BMP2K: variants seen among roughly 807,000 people sequenced by gnomAD.
The protein encoded by BMP2K is BMP-2-inducible protein kinase.
In BMP2K, 74 loss-of-function variants were observed where a neutral mutation model predicts 116.0. That is an observed-to-expected ratio of 0.64 (90% CI 0.53 to 0.77). BMP2K has a LOEUF of 0.77. Ranked by LOEUF, BMP2K falls within the 30% of genes least tolerant of loss-of-function variation. The pLI is 0.00. For missense variants in BMP2K, 1,365 were observed against 1,403.6 expected (o/e 0.97, Z 0.44); for synonymous variants, 486 against 502.5 (o/e 0.97, Z 0.44).
At chr4:78,865,827 CAT>C in intron 10 of BMP2K, 107 bp downstream of exon 10, 1 of 1,112,060 alleles carries the variant, frequency 9.0e-7, no homozygotes, top group Non-Finnish European at 1.3e-6. Context: ...AAGTAGATAA[CAT>C]AATGCTTTCA....
intron 7 of BMP2K, among the ~76,000 whole-genome samples, chr4:78,853,703 A>G (rs1039717381): frequency 3.9e-5 from 6 of 152,198 alleles, no homozygotes; most frequent in African/African-American, 1.2e-4. Context: ...CCTGTTTGGT[A>G]TGGAACATTG....
At chr4:78,864,274 C>T (rs1731936625) in intron 9 of BMP2K, among the ~76,000 whole-genome samples, 1 of 151,928 alleles carries the variant, frequency 6.6e-6, no homozygotes, top group Non-Finnish European at 1.5e-5. Flanking sequence ...TACAATATTT[C>T]CCCCAAATTA....
In BMP2K at chr4:78,844,759, T is replaced by C. The variant is rs1290348459; in HGVS notation, c.547-169T>C. On this transcript the variant is annotated intron_variant, in intron 4 of 15. Coordinates refer to ENST00000502613, the MANE Select transcript of BMP2K (RefSeq NM_198892.2). ...TGTGTGTGTGCACTGTGCACATATATGTATATATATGGCACATGTATACTT... is the reference window on the plus strand; with the variant it reads ...TGTGTGTGTGCACTGTGCACATATACGTATATATATGGCACATGTATACTT... Among the ~76,000 whole-genome samples, 4 of 151,758 alleles carry C rather than the reference T, an allele frequency of 2.6e-5. No individual in the cohort carries two copies. The South Asian group carries it at 8.3e-4, about 31-fold the overall frequency.
intron 1 of BMP2K, among the ~76,000 whole-genome samples, chr4:78,796,990 TA>T (rs1728325605): frequency 6.6e-6 from 1 of 152,180 alleles, no homozygotes; most frequent in African/African-American, 2.4e-5. Context: ...ATTTCAGCTT[TA>T]TGCATGGGAG....
intron 1 of BMP2K, among the ~76,000 whole-genome samples, chr4:78,813,720 A>G (rs1729199384): frequency 6.6e-6 from 1 of 151,978 alleles, no homozygotes; most frequent in African/African-American, 2.4e-5. Context: ...TTCCCCATGT[A>G]CCTTGATTAA....
chr4:78,860,809 T>C (rs1731739688), intron 8 of BMP2K, among the ~76,000 whole-genome samples: 1 of 140,324 alleles, frequency 7.1e-6, no homozygotes, highest in Non-Finnish European at 1.6e-5. Context: ...GCCCTCGCCA[T>C]ATTGATGTAC....
intron 15 of BMP2K, among the ~76,000 whole-genome samples, chr4:78,908,734 T>TA (rs1734412452): frequency 6.6e-6 from 1 of 152,222 alleles, no homozygotes; most frequent in African/African-American, 2.4e-5. Flanking sequence ...CTTTCCAACT[T>TA]ACTCATTTTT....
chr4:78,818,304 G>A (rs1729453728), intron 1 of BMP2K, among the ~76,000 whole-genome samples: 1 of 152,082 alleles, frequency 6.6e-6, no homozygotes, highest in Admixed American at 6.6e-5. Context: ...GGGTCAAATG[G>A]TATTTCTAGT....
rs192322653 is a variant in BMP2K at position 78,814,567 on chromosome 4, C to G, written c.179-11470C>G. Among the ~76,000 whole-genome samples, 667 of 152,130 alleles carry G rather than the reference C, an allele frequency of 4.4e-3. 12 individuals carry two copies. Among genetic ancestry groups the G allele is most frequent in the Admixed American group, 0.04 (609 of 15,276 alleles). On this transcript the variant is annotated intron_variant, in intron 1 of 15. Coordinates refer to ENST00000502613, the MANE Select transcript of BMP2K (RefSeq NM_198892.2). ...GATGGTTTTATAAGGGGCTTTTCCC[C>G]CTTTTGCTTAGCACTTCTGCTTGCT...
intron 13 of BMP2K, among the ~76,000 whole-genome samples, chr4:78,875,527 T>G (rs528409485): frequency 2.6e-5 from 4 of 152,336 alleles, no homozygotes; most frequent in African/African-American, 9.6e-5. Flanking sequence ...ATGATATAAT[T>G]GCCCTGTTAT....
chr4:78,843,094 G>T (rs1730838243), intron 4 of BMP2K, among the ~76,000 whole-genome samples: 1 of 151,908 alleles, frequency 6.6e-6, no homozygotes, highest in South Asian at 2.1e-4. Flanking sequence ...AGTCCCCAAA[G>T]AATATTGAAT....
At chr4:78,818,611 T>C (rs1203053885) in intron 1 of BMP2K, among the ~76,000 whole-genome samples, 2 of 152,200 alleles carry the variant, frequency 1.3e-5, no homozygotes, top group Non-Finnish European at 2.9e-5. Flanking sequence ...GAATAACTTA[T>C]TTTGTACTTC....
rs757496270 is a variant in BMP2K at position 78,911,960 on chromosome 4, C to T, written c.3413C>T (p.Pro1138Leu). The change falls in exon 16 of 16, where the codon CCA becomes CTA. Residue 1138 changes from proline (P) to leucine (L), a missense_variant. Physicochemically the swap from Pro to Leu is moderately conservative, Grantham distance 98. Around this residue, in one of 3 missense-constraint regions of BMP2K, gnomAD observed 596 missense variants for 623.2 expected, o/e 0.96. Transcript: ENST00000502613. ...GAACTTGTGGTGCAAAGCATCACTC[C>T]ACATCAGTCCCAACAGTCCCAACCA... is the stretch of plus-strand genomic sequence containing the variant. Reference protein sequence around the residue: ...FTELVVQSITPHQSQQSQPVE... With the variant: ...FTELVVQSITLHQSQQSQPVE... 9 of 1,613,874 alleles carry T rather than the reference C, an allele frequency of 5.6e-6. No individual in the cohort carries two copies. The African/African-American group carries it at 1.2e-4, about 22-fold the overall frequency.
chr4:78,866,504 C>T (rs991578581), intron 10 of BMP2K, among the ~76,000 whole-genome samples: 2 of 152,050 alleles, frequency 1.3e-5, no homozygotes, highest in African/African-American at 2.4e-5. Flanking sequence ...GTACTAGTAC[C>T]TATCTTAATA....
chr4:78,834,148 T>C (rs1394375467), intron 3 of BMP2K, among the ~76,000 whole-genome samples: 1 of 152,184 alleles, frequency 6.6e-6, no homozygotes, highest in Non-Finnish European at 1.5e-5. Context: ...TTGTAAACAT[T>C]AGATATAGAA....
intron 2 of BMP2K, among the ~76,000 whole-genome samples, chr4:78,827,978 G>A (rs190763194): frequency 6.6e-6 from 1 of 152,148 alleles, no homozygotes; most frequent in Non-Finnish European, 1.5e-5. Context: ...CCAGCAGCAC[G>A]TCACACAGTT....
At chr4:78,815,136 T>C (rs1729276383) in intron 1 of BMP2K, among the ~76,000 whole-genome samples, 1 of 152,220 alleles carries the variant, frequency 6.6e-6, no homozygotes, top group African/African-American at 2.4e-5. Flanking sequence ...GGCCTCATAT[T>C]GTTTCATTTT....
chr4:78,832,777 A>G lies in BMP2K; in HGVS notation c.298-805A>G, dbSNP rs190443829. On this transcript the variant is annotated intron_variant, in intron 2 of 15. Coordinates refer to ENST00000502613, the MANE Select transcript of BMP2K (RefSeq NM_198892.2). The stretch of plus-strand genomic sequence containing the variant: ...AGTTCTTTAGAATGGTGGTCTGTCA[A>G]CTTTTTTGATGATTCATCCCCATTA... Among the ~76,000 whole-genome samples, 393 of 152,192 alleles carry G rather than the reference A, an allele frequency of 2.6e-3. 1 individual carries two copies. Among genetic ancestry groups the G allele is most frequent in the Non-Finnish European group, 4.4e-3 (301 of 67,938 alleles).
intron 1 of BMP2K, among the ~76,000 whole-genome samples, chr4:78,799,511 A>G (rs1342677809): frequency 2.0e-5 from 3 of 152,204 alleles, no homozygotes; most frequent in Non-Finnish European, 2.9e-5. Context: ...GTGAAAGTGT[A>G]TAAGAATTTG....
Sources: gnomAD v4.1 joint callset for allele counts (sites outside exome capture counted in the v4.1 genomes callset) on GRCh38, gnomAD v4.1.1 for gene constraint, gnomAD v4.1.1 regional missense constraint, MANE v1.5 for transcripts, NCBI Gene and HGNC (gene_info 2026-07-23, HGNC 2026-07-21) for gene names.